The following STRADB variants were observed in gnomAD, a reference collection of about 807,000 sequenced individuals.
STRADB encodes the protein STE20-related kinase adapter protein beta.
A neutral mutation model predicts 52.1 loss-of-function variants in STRADB; 34 were observed. The observed-to-expected ratio is 0.65, with a 90% CI of 0.50 to 0.87. The LOEUF (loss-of-function observed/expected upper bound fraction) is 0.87. STRADB is among the 40% of genes least tolerant of loss of function. The pLI is 0.00. For synonymous variants in STRADB, 133 were observed against 174.5 expected (o/e 0.76, Z 1.87); for missense variants, 340 against 483.9 (o/e 0.70, Z 2.79).
intron 7 of STRADB, 126 bp downstream of exon 7, chr2:201,475,868 G>A (rs934458715): frequency 7.7e-6 from 8 of 1,040,388 alleles, no homozygotes; most frequent in African/African-American, 1.6e-5. Context: ...GAAAATTGAG[G>A]GAGGAAGGGA....
rs547216597 is a variant in STRADB, at chr2:201,473,977, G to A, written c.316-670G>A. ...GCGATCTTGGCTCACTGCAAGCTCC[G>A]CCTCCCGGGTTCACGCCATTCTCCT... is the stretch of plus-strand genomic sequence containing the variant. On this transcript the variant is annotated intron_variant, in intron 5 of 11. Coordinates refer to ENST00000194530, the MANE Select transcript of STRADB (RefSeq NM_018571.6). 3.0e-3 allele frequency among the ~76,000 whole-genome samples: 432 copies of A among 145,226 alleles called. 7 individuals are homozygous for A. Among genetic ancestry groups the A allele is most frequent in the African/African-American group, 0.011 (416 of 39,258 alleles).
chr2:201,461,864 C>T (rs564575166), intron 3 of STRADB, among the ~76,000 whole-genome samples: 1 of 152,232 alleles, frequency 6.6e-6, no homozygotes, highest in East Asian at 1.9e-4. Context: ...TTTAATATAG[C>T]AAGAGATAGG....
chr2:201,470,619 A>G (rs1952374612), intron 4 of STRADB, among the ~76,000 whole-genome samples: 1 of 152,220 alleles, frequency 6.6e-6, no homozygotes, highest in African/African-American at 2.4e-5. Flanking sequence ...TGGAATTGAC[A>G]TCATCTCTGG....
In STRADB at chr2:201,470,100, T is replaced by C. The variant is rs371297483; in HGVS notation, c.193+48T>C. Reference sequence around the variant, plus strand: ...TGACCCTTCAGTGCTAGAAATTAAATTGATGACAAAAAGATTATTTTGTGG... The same window carrying C: ...TGACCCTTCAGTGCTAGAAATTAAACTGATGACAAAAAGATTATTTTGTGG... On this transcript the variant is annotated intron_variant, in intron 4 of 11. Transcript: ENST00000194530. The C allele has an allele frequency of 2.6e-5, 37 of 1,398,230 alleles. No homozygotes were observed. The African/African-American group carries it at 3.5e-4, about 13-fold the overall frequency. The allele number at this position is 1,398,230 out of a possible 1,614,324, so 86.6% of individuals were successfully genotyped here.
At chr2:201,477,525 T>C in intron 7 of STRADB, 94 bp from the exon 8 acceptor site, 1 of 1,294,076 alleles carries the variant, frequency 7.7e-7, no homozygotes. Context: ...GTATTTAATT[T>C]CCAAGAGAAT....
intron 2 of STRADB, among the ~76,000 whole-genome samples, chr2:201,455,765 A>G (rs1952118914): frequency 6.6e-6 from 1 of 152,090 alleles, no homozygotes; most frequent in Non-Finnish European, 1.5e-5. Flanking sequence ...ACTTTCATAT[A>G]TTTCTTTCAT....
intron 3 of STRADB, among the ~76,000 whole-genome samples, chr2:201,466,795 G>A (rs1952311267): frequency 6.6e-6 from 1 of 152,124 alleles, no homozygotes; most frequent in African/African-American, 2.4e-5. Context: ...AGGCCATCTG[G>A]TCTAATTTTC....
intron 3 of STRADB, 60 bp downstream of exon 3, chr2:201,458,924 G>C: frequency 1.4e-6 from 2 of 1,442,726 alleles, no homozygotes; most frequent in Non-Finnish European, 1.9e-6. Flanking sequence ...CACTCTGGGA[G>C]GCCAAGGCAG....
intron 3 of STRADB, among the ~76,000 whole-genome samples, chr2:201,461,786 C>T (rs1952220330): frequency 1.3e-5 from 2 of 152,102 alleles, no homozygotes; most frequent in Admixed American, 1.3e-4. Flanking sequence ...CTTCCTCCAT[C>T]TTTTCTTGTA....
chr2:201,462,454 T>G (rs1333886441), intron 3 of STRADB, among the ~76,000 whole-genome samples: 29 of 152,204 alleles, frequency 1.9e-4, no homozygotes. Flanking sequence ...TTGTTTTGTA[T>G]TCTCTTCCTT....
chr2:201,470,293 A>G (rs1164828114), intron 4 of STRADB, among the ~76,000 whole-genome samples: 1 of 152,264 alleles, frequency 6.6e-6, no homozygotes. Context: ...TGAGGAAGAC[A>G]CTAAATACTT....
At position 201,480,075 on chromosome 2, in the gene STRADB, C is replaced by T. The variant is rs35636836; in HGVS notation, c.1157C>T (p.Pro386Leu). Residue 386 changes from proline to leucine, a missense_variant, in exon 12 of 12, where the codon CCT becomes CTT. Pro to Leu is a moderately conservative substitution (Grantham distance 98, BLOSUM62 -3). Coordinates refer to ENST00000194530, the MANE Select transcript of STRADB (RefSeq NM_018571.6). ...SQDSILSLLP[P>L]AYNKPSISLP... is the part of the protein sequence containing the mutation. ...GATTCAATACTTTCACTGTTGCCTC[C>T]TGCTTATAACAAGCCATCAATATCA... The T allele has an allele frequency of 1.2e-6, 2 of 1,613,874 alleles. No individual in the cohort carries two copies.
chr2:201,456,973 G>A (rs1422974795), intron 2 of STRADB, among the ~76,000 whole-genome samples: 7 of 152,040 alleles, frequency 4.6e-5, no homozygotes, highest in East Asian at 1.9e-4. Context: ...TTTTTATTGG[G>A]GACTTGTCAC....
At chr2:201,470,144 T>C in intron 4 of STRADB, 92 bp downstream of exon 4, 1 of 921,812 alleles carries the variant, frequency 1.1e-6, no homozygotes, top group South Asian at 1.4e-5. Context: ...TTTTCTGTTG[T>C]TACCTCCAGC....
chr2:201,453,230 A>G lies in STRADB; in HGVS notation c.-96+1292A>G, dbSNP rs78958658. Among the ~76,000 whole-genome samples the G allele has an allele frequency of 4.0e-4, 61 of 152,346 alleles. 1 individual carries two copies. In the East Asian group the frequency reaches 6.0e-3, roughly 15 times the overall value. On this transcript the variant is annotated intron_variant, in intron 1 of 11. Transcript: ENST00000194530. ...TTCTGAGCTTTTCTGAAAAAGAGAA[A>G]AAAATAGACAACGTAATGGAGTTTC...
intron 3 of STRADB, among the ~76,000 whole-genome samples, chr2:201,461,661 TGC>T (rs1952218643): frequency 6.6e-6 from 1 of 152,214 alleles, no homozygotes; most frequent in African/African-American, 2.4e-5. Context: ...TTTTTTCTTT[TGC>T]TGTGCAGAAG....
chr2:201,472,241 A>G (rs1388582698), intron 4 of STRADB, among the ~76,000 whole-genome samples: 8 of 152,234 alleles, frequency 5.3e-5, no homozygotes. Context: ...TGACCCAGCA[A>G]TCTCACTCGC....
At chr2:201,477,508 G>T (rs1490276252) in intron 7 of STRADB, 111 bp from the exon 8 acceptor site, 2 of 1,124,546 alleles carry the variant, frequency 1.8e-6, no homozygotes, top group African/African-American at 1.5e-5. Context: ...CTGCTGTTTT[G>T]TAAAGGGTAT....
chr2:201,457,480 A>G (rs1952145143), intron 2 of STRADB: 1 of 152,222 alleles, frequency 6.6e-6, no homozygotes, highest in African/African-American at 2.4e-5. Flanking sequence ...GTGGGAATAT[A>G]TACCAAATTT....
Sources: gnomAD v4.1 joint callset for allele counts (sites outside exome capture counted in the v4.1 genomes callset) on GRCh38, gnomAD v4.1.1 for gene constraint, MANE v1.5 for transcripts, NCBI Gene and HGNC (gene_info 2026-07-23, HGNC 2026-07-21) for gene names.